The following BIRC6 variants were observed in gnomAD, a reference collection of about 807,000 sequenced individuals.
BIRC6 encodes the protein baculoviral IAP repeat containing 6, also known as dual E2 ubiquitin-conjugating enzyme/E3 ubiquitin-protein ligase BIRC6.
Under a neutral mutation model 503.3 loss-of-function variants are expected in BIRC6, and 98 were observed. That is an observed-to-expected ratio of 0.19 (90% CI 0.17 to 0.23). The LOEUF is 0.23. Among genes scored for constraint, BIRC6 ranks in the 10% least tolerant of loss-of-function variants. The pLI, the probability that BIRC6 is intolerant of heterozygous loss-of-function variation, is 1.00. For synonymous variants in BIRC6, 2,240 were observed against 2,078.7 expected, an observed-to-expected ratio of 1.08 and a Z score of -2.11; for missense variants, 5,360 against 5,806.0, an observed-to-expected ratio of 0.92 and a Z score of 2.50.
chr2:32,531,318 T>C (rs780067758), intron 60 of BIRC6, 37 bp from the exon 61 acceptor site: 55 of 1,527,054 alleles, frequency 3.6e-5, no homozygotes, highest in Admixed American at 1.9e-4. Context: ...AATATACCCT[T>C]TCTTACCTAT....
At chr2:32,381,072 C>G (rs1448914947) in intron 3 of BIRC6, among the ~76,000 whole-genome samples, 1 of 152,088 alleles carries the variant, frequency 6.6e-6, no homozygotes, top group African/African-American at 2.4e-5. Flanking sequence ...AAGGCCTTTT[C>G]TAAGTTATAC....
chr2:32,565,013 C>T (rs1426463812), intron 65 of BIRC6: 4 of 152,054 alleles, frequency 2.6e-5, no homozygotes, highest in Non-Finnish European at 5.9e-5. Flanking sequence ...CTTGAATAAA[C>T]GTTTCTTCAT....
intron 16 of BIRC6, among the ~76,000 whole-genome samples, chr2:32,439,997 A>G (rs571001485): frequency 3.9e-5 from 6 of 152,124 alleles, no homozygotes; most frequent in African/African-American, 1.4e-4. Flanking sequence ...TCCCACCTCA[A>G]CTTCCCTAGT....
intron 70 of BIRC6, among the ~76,000 whole-genome samples, chr2:32,600,410 A>G (rs1399685690): frequency 1.3e-5 from 2 of 152,226 alleles, no homozygotes; most frequent in Non-Finnish European, 2.9e-5. Context: ...TCTAGAAGAG[A>G]AGAATTTCAA....
intron 66 of BIRC6, among the ~76,000 whole-genome samples, chr2:32,588,938 G>C (rs1414354970): frequency 6.6e-6 from 1 of 152,150 alleles, no homozygotes; most frequent in Non-Finnish European, 1.5e-5. Context: ...GGTCATTCCA[G>C]CTGGTATTAT....
rs539772199 is a variant in BIRC6 at position 32,567,193 on chromosome 2, C to A, written c.13145-7963C>A. 2.0e-3 allele frequency among the ~76,000 whole-genome samples: 310 copies of A among 152,336 alleles called. 1 individual carries two copies. Among genetic ancestry groups the A allele is most frequent in the African/African-American group, 7.2e-3 (299 of 41,576 alleles). On this transcript the variant is annotated intron_variant, in intron 65 of 73. Transcript: ENST00000421745. Reference sequence around the variant, plus strand: ...CCATGTTGGCTAGGCTGGTCTTGAACTCCTGATCTCAGGTGATCCACCTGC... The same window carrying A: ...CCATGTTGGCTAGGCTGGTCTTGAAATCCTGATCTCAGGTGATCCACCTGC...
At chr2:32,539,458 A>G (rs1192261709) in intron 61 of BIRC6, among the ~76,000 whole-genome samples, 1 of 152,228 alleles carries the variant, frequency 6.6e-6, no homozygotes, top group Non-Finnish European at 1.5e-5. Context: ...AAATTTAAAA[A>G]CATTAAAATC....
At chr2:32,441,307 C>A in intron 16 of BIRC6, 22 bp from the exon 17 acceptor site, 1 of 1,399,640 alleles carries the variant, frequency 7.1e-7, no homozygotes, top group Non-Finnish European at 9.7e-7. Context: ...TTTTAAAATT[C>A]ATTATTATTT....
At chr2:32,475,674 A>T (rs574791481) in intron 33 of BIRC6, among the ~76,000 whole-genome samples, 5 of 152,316 alleles carry the variant, frequency 3.3e-5, no homozygotes, top group African/African-American at 1.2e-4. Context: ...GCAAAATATC[A>T]TTAGAGAAAA....
intron 72 of BIRC6, among the ~76,000 whole-genome samples, chr2:32,608,138 G>C (rs920040921): frequency 1.3e-5 from 2 of 149,016 alleles, no homozygotes; most frequent in Admixed American, 6.7e-5. Context: ...TCTGCAAAAA[G>C]TTTAAAAATT....
At chr2:32,585,345 A>G (rs1377158851) in intron 66 of BIRC6, among the ~76,000 whole-genome samples, 1 of 151,810 alleles carries the variant, frequency 6.6e-6, no homozygotes, top group Non-Finnish European at 1.5e-5. Flanking sequence ...CTTTTGTTCT[A>G]CCAATTAAAT....
At chr2:32,507,616 G>A (rs539034806) in intron 50 of BIRC6, among the ~76,000 whole-genome samples, 8 of 152,194 alleles carry the variant, frequency 5.3e-5, no homozygotes, top group Non-Finnish European at 1.2e-4. Context: ...AGGTAGTTTT[G>A]TATTATTTGT....
At chr2:32,608,857 GTA>G (rs1467589827) in intron 72 of BIRC6, among the ~76,000 whole-genome samples, 2 of 152,022 alleles carry the variant, frequency 1.3e-5, no homozygotes, top group African/African-American at 2.4e-5. Context: ...ATTCTAATGT[GTA>G]TATATAAGGA....
chr2:32,600,168 T>C (rs971862231), intron 70 of BIRC6, among the ~76,000 whole-genome samples: 1 of 152,230 alleles, frequency 6.6e-6, no homozygotes, highest in Admixed American at 6.5e-5. Flanking sequence ...TAGGAACTTA[T>C]TTTAAGGTGT....
At chr2:32,398,239 A>G (rs2040192588) in intron 6 of BIRC6, among the ~76,000 whole-genome samples, 1 of 152,220 alleles carries the variant, frequency 6.6e-6, no homozygotes, top group Admixed American at 6.5e-5. Context: ...TCTTGTAGGC[A>G]CAGAGGCATA....
intron 19 of BIRC6, among the ~76,000 whole-genome samples, chr2:32,442,750 A>C (rs1232736270): frequency 6.6e-6 from 1 of 152,092 alleles, no homozygotes; most frequent in Non-Finnish European, 1.5e-5. Context: ...TTTCACTCCT[A>C]CTTTCCTTGG....
Position 32,463,085 on chromosome 2 carries a change from A to G in BIRC6, c.4754-109A>G, listed in dbSNP as rs988775694. The G allele has an allele frequency of 1.4e-5, 11 of 773,896 alleles. No homozygotes were observed. The Middle Eastern group carries it at 1.1e-3, about 79-fold the overall frequency. 47.9% of individuals were successfully genotyped at this position (773,896 alleles called of 1,614,324 possible). On this transcript the variant is annotated intron_variant, in intron 23 of 73. Transcript: ENST00000421745. Reference sequence around the variant, plus strand: ...TTCTTTTTTAGAATGAAAATTAACTATAGTTTTAGCATCATAATAGTGCCA... The same window carrying G: ...TTCTTTTTTAGAATGAAAATTAACTGTAGTTTTAGCATCATAATAGTGCCA...
chr2:32,513,742 C>G (rs1311336860), intron 54 of BIRC6, among the ~76,000 whole-genome samples: 2 of 152,156 alleles, frequency 1.3e-5, no homozygotes, highest in African/African-American at 4.8e-5. Flanking sequence ...AACCCCGTCT[C>G]TACTAAAAAT....
At chr2:32,574,879 C>T (rs767250884) in intron 65 of BIRC6, 7 of 419,512 alleles carry the variant, frequency 1.7e-5, no homozygotes, top group Non-Finnish European at 2.7e-5. Context: ...CTCCGAGTAG[C>T]TGAGATTACA....
Sources: gnomAD v4.1 joint callset for allele counts (sites outside exome capture counted in the v4.1 genomes callset) on GRCh38, gnomAD v4.1.1 for gene constraint, MANE v1.5 for transcripts, NCBI Gene and HGNC (gene_info 2026-07-23, HGNC 2026-07-21) for gene names.